The following COCH variants were observed in gnomAD, a reference collection of about 807,000 sequenced individuals.
COCH encodes the protein cochlin.
Under a neutral mutation model 54.8 loss-of-function variants are expected in COCH, and 40 were observed. That is an observed-to-expected ratio of 0.73 (90% confidence interval 0.57 to 0.95). COCH has a LOEUF of 0.95. COCH is among the 40% of genes least tolerant of loss of function. The pLI, the probability that COCH is intolerant of heterozygous loss-of-function variation, is 0.00. For synonymous variants in COCH, 256 were observed against 237.9 expected (o/e 1.08, Z -0.70); for missense variants, 605 against 675.0 (o/e 0.90, Z 1.15).
At chr14:30,888,463 G>C (rs1205891057) in intron 11 of COCH, among the ~76,000 whole-genome samples, 1 of 152,064 alleles carries the variant, frequency 6.6e-6, no homozygotes, top group African/African-American at 2.4e-5. Context: ...CCCAGCATTA[G>C]ATAGATGGTA....
chr14:30,875,388 C>T (rs896375244), intron 3 of COCH: 8 of 597,248 alleles, frequency 1.3e-5, no homozygotes, highest in Non-Finnish European at 2.4e-5. Context: ...CCCCAGACCC[C>T]GGGCCCGCTG....
intron 11 of COCH, 51 bp downstream of exon 11, chr14:30,886,363 G>T: frequency 1.3e-6 from 2 of 1,585,652 alleles, no homozygotes; most frequent in Middle Eastern, 1.7e-4. Context: ...ACGGTTCAGT[G>T]AATTTAGGAG....
At chr14:30,875,281 T>A in intron 3 of COCH, 178 bp downstream of exon 3, 2 of 879,106 alleles carry the variant, frequency 2.3e-6, no homozygotes, top group Non-Finnish European at 3.4e-6. Flanking sequence ...CTGCTCCTGC[T>A]CACCTGTTTC....
At chr14:30,876,375 T>G (rs896856141) in intron 3 of COCH, 2 of 152,214 alleles carry the variant, frequency 1.3e-5, no homozygotes, top group Non-Finnish European at 2.9e-5. Flanking sequence ...AACAGTGCTT[T>G]CTAAAAATGC....
rs1182244263 is a variant in COCH at position 30,875,234 on chromosome 14, G to C, written c.82+131G>C. 3.2e-6 allele frequency: 4 copies of C among 1,249,788 alleles called. No individual in the cohort carries two copies. The African/African-American group carries it at 6.0e-5, about 19-fold the overall frequency. 77.4% of individuals were successfully genotyped at this position (1,249,788 alleles called of 1,614,324 possible). ...AGGAGGAAGGCGCGAAGGTTGAGCC[G>C]CCGCGTGGCGCGCCCGCGTTAACCC... On this transcript the variant is annotated intron_variant, in intron 3 of 11. Transcript: ENST00000396618.
chr14:30,882,120 GTTT>G (rs61175020), intron 8 of COCH, among the ~76,000 whole-genome samples: 26 of 67,910 alleles, frequency 3.8e-4, no homozygotes, highest in African/African-American at 1.1e-3. Context: ...CTATAAAATG[GTTT>G]TTTTTTTTTT....
At chr14:30,884,097 G>A (rs941283046) in intron 8 of COCH, among the ~76,000 whole-genome samples, 5 of 152,106 alleles carry the variant, frequency 3.3e-5, no homozygotes, top group Admixed American at 1.3e-4. Flanking sequence ...CCAACTCTGC[G>A]GACTTCTGTT....
chr14:30,890,071 C>T lies in COCH; in HGVS notation c.*280C>T. 1 of 1,109,026 alleles carries T rather than the reference C, an allele frequency of 9.0e-7. No homozygotes were observed. The allele number at this position is 1,109,026 out of a possible 1,614,324, so 68.7% of individuals were successfully genotyped here. On this transcript the variant is annotated 3_prime_UTR_variant, in exon 12 of 12. Transcript: ENST00000396618. ...GGATTAAAACCTTAAGAGTTCTAACCATGCCTACTAAATGTACAGATATGC... is the reference window on the plus strand; with the variant it reads ...GGATTAAAACCTTAAGAGTTCTAACTATGCCTACTAAATGTACAGATATGC...
rs74040903 is a variant in COCH, at chr14:30,888,457, G to C, written c.1478-1159G>C. 1.6e-3 allele frequency among the ~76,000 whole-genome samples: 239 copies of C among 152,198 alleles called. 1 individual carries two copies. Among genetic ancestry groups the C allele is most frequent in the African/African-American group, 5.2e-3 (214 of 41,516 alleles). On this transcript the variant is annotated intron_variant, in intron 11 of 11. Coordinates refer to ENST00000396618, the MANE Select transcript of COCH (RefSeq NM_004086.3). ...CAAAAGTTATAGAAAATTGCACCCA[G>C]CATTAGATAGATGGTACTCTACACT...
chr14:30,890,081 A>G lies in COCH; in HGVS notation c.*290A>G. 6 of 1,082,726 alleles carry G rather than the reference A, an allele frequency of 5.5e-6. No individual in the cohort carries two copies. The highest frequency in any genetic ancestry group is 6.7e-6 in the Non-Finnish European group (6 of 889,582). 67.1% of individuals were successfully genotyped at this position (1,082,726 alleles called of 1,614,324 possible). A position where few individuals can be genotyped will look rare whatever the true frequency, so the allele number is the denominator to read the frequency against. Reference sequence around the variant, plus strand: ...CTTAAGAGTTCTAACCATGCCTACTAAATGTACAGATATGCAAATTCCATA... The same window carrying G: ...CTTAAGAGTTCTAACCATGCCTACTGAATGTACAGATATGCAAATTCCATA... On this transcript the variant is annotated 3_prime_UTR_variant, in exon 12 of 12. Coordinates refer to ENST00000396618, the MANE Select transcript of COCH (RefSeq NM_004086.3).
At chr14:30,893,945 ATGTT>A (rs1896060197), downstream of COCH, 1 of 152,620 alleles carries the variant, frequency 6.6e-6, no homozygotes, top group South Asian at 2.1e-4. Flanking sequence ...CAACAGCTGT[ATGTT>A]TGCTATGTGG....
chr14:30,891,644 A>G (rs1450674021), downstream of COCH, among the ~76,000 whole-genome samples: 2 of 152,234 alleles, frequency 1.3e-5, no homozygotes, highest in Admixed American at 6.5e-5. Context: ...TTCCCCAGTA[A>G]GTAGACCAAA....
chr14:30,889,525 C>G, intron 11 of COCH, 91 bp from the exon 12 acceptor site: 1 of 1,165,728 alleles, frequency 8.6e-7, no homozygotes, highest in Non-Finnish European at 1.3e-6. Context: ...TTCGCTGCAA[C>G]TATGTAACAG....
rs1306617775 is a variant in COCH at position 30,886,245 on chromosome 14, A to C, written c.1410A>C (p.Leu470=). 33 of 1,613,454 alleles carry C rather than the reference A, an allele frequency of 2.0e-5. No individual in the cohort carries two copies. The highest frequency in any genetic ancestry group is 2.5e-5 in the Non-Finnish European group (30 of 1,179,800). ...PIRESPNKNF[L]VIVTDGQSYD... Reference sequence around the variant, plus strand: ...GGGAGAGCCCCAACAAGAACTTCCTAGTAATTGTCACAGATGGGCAGTCCT... The same window carrying C: ...GGGAGAGCCCCAACAAGAACTTCCTCGTAATTGTCACAGATGGGCAGTCCT... Residue 470 remains leucine, a synonymous_variant, in exon 11 of 12, where the codon CTA becomes CTC. Coordinates refer to ENST00000396618, the MANE Select transcript of COCH (RefSeq NM_004086.3).
At chr14:30,879,318 C>G in intron 5 of COCH, 105 bp from the exon 6 acceptor site, 4 of 1,148,766 alleles carry the variant, frequency 3.5e-6, no homozygotes, top group Non-Finnish European at 5.1e-6. Context: ...ACTACAATCA[C>G]CATTACCCTA....
intron 11 of COCH, among the ~76,000 whole-genome samples, chr14:30,886,784 T>C (rs974606583): frequency 3.3e-5 from 5 of 152,308 alleles, no homozygotes; most frequent in Admixed American, 2.0e-4. Context: ...TGCAGTGGCA[T>C]GTAGTGAGCT....
chr14:30,883,201 G>C (rs1175959286), intron 8 of COCH, among the ~76,000 whole-genome samples: 1 of 152,028 alleles, frequency 6.6e-6, no homozygotes, highest in East Asian at 1.9e-4. Context: ...TGATTCATAT[G>C]CTAATCCTTA....
At chr14:30,884,354 T>C (rs1377851753) in intron 8 of COCH, 199 bp from the exon 9 acceptor site, 5 of 569,128 alleles carry the variant, frequency 8.8e-6, no homozygotes, top group African/African-American at 7.5e-5. Flanking sequence ...AAATCCTCAA[T>C]ATGGCAATTA....
intron 8 of COCH, among the ~76,000 whole-genome samples, chr14:30,883,471 G>A (rs1228116506): frequency 2.0e-5 from 3 of 152,118 alleles, no homozygotes; most frequent in Non-Finnish European, 4.4e-5. Flanking sequence ...ATATATCAAG[G>A]ATACAAAAAT....
Sources: gnomAD v4.1 joint callset for allele counts (sites outside exome capture counted in the v4.1 genomes callset) on GRCh38, gnomAD v4.1.1 for gene constraint, MANE v1.5 for transcripts, NCBI Gene and HGNC (gene_info 2026-07-23, HGNC 2026-07-21) for gene names.